The following ECRG4 variants were observed in gnomAD, a reference collection of about 807,000 sequenced individuals.
The protein encoded by ECRG4 is ECRG4 augurin precursor.
A neutral mutation model predicts 15.8 loss-of-function variants in ECRG4; 18 were observed. That is an observed-to-expected ratio of 1.14 (90% confidence interval 0.79 to 1.69). ECRG4 has a LOEUF of 1.69. Among genes scored for constraint, ECRG4 ranks in the 40% most tolerant of loss-of-function variants. The pLI is 0.00. For missense variants in ECRG4, 200 were observed against 190.9 expected, an observed-to-expected ratio of 1.05 and a Z score of -0.28; for synonymous variants, 82 against 73.9, an observed-to-expected ratio of 1.11 and a Z score of -0.56.
chr2:106,076,949 A>G (rs1215958238), intron 3 of ECRG4, among the ~76,000 whole-genome samples: 1 of 152,160 alleles, frequency 6.6e-6, no homozygotes, highest in East Asian at 1.9e-4. Context: ...ACCACCACCA[A>G]AGAAAAATTA....
At chr2:106,075,657 G>A (rs1416814164) in intron 3 of ECRG4, among the ~76,000 whole-genome samples, 1 of 152,196 alleles carries the variant, frequency 6.6e-6, no homozygotes, top group Non-Finnish European at 1.5e-5. Flanking sequence ...GGGAGGCGGA[G>A]TTTGCTGTGA....
At chr2:106,065,971 C>T in intron 1 of ECRG4, 128 bp downstream of exon 1, 1 of 806,536 alleles carries the variant, frequency 1.2e-6, no homozygotes, top group East Asian at 3.4e-5. Flanking sequence ...TTAGCCTAGG[C>T]AGGGCCAAGG....
intron 2 of ECRG4, chr2:106,072,096 G>A: frequency 2.0e-6 from 1 of 509,784 alleles, no homozygotes; most frequent in Non-Finnish European, 3.5e-6. Flanking sequence ...AATGTCTGAA[G>A]GTTATTTTTC....
At chr2:106,071,710 A>G (rs917936106) in intron 1 of ECRG4, 134 bp from the exon 2 acceptor site, 60 of 647,124 alleles carry the variant, frequency 9.3e-5, no homozygotes, top group Admixed American at 7.1e-4. Flanking sequence ...GCAAGTGTTA[A>G]ATACTGTGAT....
intron 1 of ECRG4, among the ~76,000 whole-genome samples, chr2:106,067,069 G>C (rs868818906): frequency 7.3e-5 from 7 of 96,392 alleles, no homozygotes; most frequent in African/African-American, 2.2e-4. Flanking sequence ...CGGGGGGGGG[G>C]GGGGGGCAGA....
chr2:106,073,057 C>G (rs184026629), intron 2 of ECRG4, among the ~76,000 whole-genome samples: 6 of 152,328 alleles, frequency 3.9e-5, no homozygotes, highest in Admixed American at 1.3e-4. Context: ...CCAACGAATG[C>G]ACCAGGCCTG....
intron 1 of ECRG4, among the ~76,000 whole-genome samples, chr2:106,067,683 A>G (rs1331007612): frequency 2.0e-5 from 3 of 151,910 alleles, no homozygotes; most frequent in Non-Finnish European, 2.9e-5. Context: ...GGGTTTCTCC[A>G]TGTTGGTCAG....
intron 1 of ECRG4, among the ~76,000 whole-genome samples, chr2:106,066,806 G>C (rs958101375): frequency 2.6e-5 from 4 of 152,138 alleles, no homozygotes; most frequent in African/African-American, 9.7e-5. Flanking sequence ...TGAACTCGAG[G>C]TGAGAAGAGG....
At position 106,072,708 on chromosome 2, in the gene ECRG4, G is replaced by A. The variant is rs558100351; in HGVS notation, c.127+817G>A. On this transcript the variant is annotated intron_variant, in intron 2 of 3. Transcript: ENST00000238044. ...GGTGGCTGGAGAACAGGCTTGGGGC[G>A]GTCCCAGCATCTTTTCCTGGGGTTC... 4.6e-5 allele frequency among the ~76,000 whole-genome samples: 7 copies of A among 152,264 alleles called. No individual in the cohort carries two copies. The South Asian group carries it at 8.3e-4, about 18-fold the overall frequency.
At chr2:106,068,954 A>T (rs1676281680) in intron 1 of ECRG4, among the ~76,000 whole-genome samples, 1 of 152,132 alleles carries the variant, frequency 6.6e-6, no homozygotes, top group Non-Finnish European at 1.5e-5. Context: ...GCAACTCTTA[A>T]TCTCAAACCC....
intron 2 of ECRG4, 88 bp downstream of exon 2, chr2:106,071,979 A>G (rs1349195000): frequency 8.6e-7 from 1 of 1,165,986 alleles, no homozygotes; most frequent in South Asian, 1.3e-5. Flanking sequence ...GGAGTCTTGT[A>G]TTTGGAAAAT....
At chr2:106,075,339 T>A (rs576802888) in intron 3 of ECRG4, among the ~76,000 whole-genome samples, 1 of 152,386 alleles carries the variant, frequency 6.6e-6, no homozygotes, top group East Asian at 1.9e-4. Flanking sequence ...TAAAAGTATA[T>A]GTTTGCTTAC....
intron 2 of ECRG4, among the ~76,000 whole-genome samples, chr2:106,072,639 A>G (rs1001877574): frequency 2.0e-5 from 3 of 152,164 alleles, no homozygotes; most frequent in Non-Finnish European, 4.4e-5. Flanking sequence ...GTCCTCAGTC[A>G]TTCTTCCCAC....
In ECRG4 at chr2:106,071,803, C is replaced by T. The variant is rs778010599; in HGVS notation, c.80-41C>T. 4.3e-5 allele frequency: 66 copies of T among 1,536,710 alleles called. No individual in the cohort carries two copies. In the East Asian group the frequency reaches 1.4e-3, roughly 33 times the overall value. On this transcript the variant is annotated intron_variant, in intron 1 of 3. Coordinates refer to ENST00000238044, the MANE Select transcript of ECRG4 (RefSeq NM_032411.3). ...TTTGCCTTTGATAAATTGAAGGGAG[C>T]AGTATAACTCTGATATGGATTTCAA...
At chr2:106,072,962 A>G (rs1172467627) in intron 2 of ECRG4, among the ~76,000 whole-genome samples, 2 of 152,248 alleles carry the variant, frequency 1.3e-5, no homozygotes, top group Non-Finnish European at 2.9e-5. Flanking sequence ...ATATTGAGCA[A>G]CTACTGTGTA....
Position 106,077,788 on chromosome 2 carries a change from T to C in ECRG4, c.309T>C (p.Tyr103=), listed in dbSNP as rs1676515967. The C allele has an allele frequency of 1.2e-6, 2 of 1,613,922 alleles. No individual in the cohort carries two copies. Residue 103 remains tyrosine, a synonymous_variant, in exon 4 of 4, where the codon TAT becomes TAC. Transcript: ENST00000238044. ...AGAAATTTGAAGATGACATCACCTA[T>C]TGGCTTAACAGAGATCGAAATGGAC... The part of the protein sequence containing the change: ...DEAKFEDDIT[Y]WLNRDRNGHE...
At chr2:106,076,531 T>C (rs1408928613) in intron 3 of ECRG4, among the ~76,000 whole-genome samples, 1 of 152,152 alleles carries the variant, frequency 6.6e-6, no homozygotes, top group African/African-American at 2.4e-5. Context: ...AATCATGCTC[T>C]TTAGCCCAGC....
At chr2:106,075,854 A>C (rs10183504) in intron 3 of ECRG4, among the ~76,000 whole-genome samples, 3,703 of 152,350 alleles carry the variant, frequency 0.024, 164 homozygotes, top group African/African-American at 0.082. Context: ...TACAATGACT[A>C]CATCCAAGTG....
chr2:106,075,390 A>G (rs1378031974), intron 3 of ECRG4, among the ~76,000 whole-genome samples: 1 of 152,236 alleles, frequency 6.6e-6, no homozygotes. Flanking sequence ...AGTAATTTGC[A>G]TTTCTTTGAT....
Sources: gnomAD v4.1 joint callset for allele counts (sites outside exome capture counted in the v4.1 genomes callset) on GRCh38, gnomAD v4.1.1 for gene constraint, MANE v1.5 for transcripts, NCBI Gene and HGNC (gene_info 2026-07-23, HGNC 2026-07-21) for gene names.